CPLANE1: variants seen among roughly 807,000 people sequenced by gnomAD.
CPLANE1 encodes ciliogenesis and planar polarity effector complex subunit 1.
A neutral mutation model predicts 362.5 loss-of-function variants in CPLANE1; 263 were observed. The ratio of observed to expected loss-of-function variants is 0.73; its 90% confidence interval spans 0.66 to 0.80. The LOEUF (loss-of-function observed/expected upper bound fraction) is 0.80. Among genes scored for constraint, CPLANE1 ranks in the 30% least tolerant of loss-of-function variants. The pLI, the probability that CPLANE1 is intolerant of heterozygous loss-of-function variation, is 0.00. For missense variants in CPLANE1, 3,461 were observed against 3,793.4 expected (o/e 0.91, Z 2.30); for synonymous variants, 1,212 against 1,302.6 (o/e 0.93, Z 1.50).
intron 20 of CPLANE1, among the ~76,000 whole-genome samples, 182 bp from the exon 21 acceptor site, chr5:37,196,178 CA>C (rs11433764): frequency 6.1e-5 from 9 of 146,666 alleles, no homozygotes; most frequent in African/African-American, 9.9e-5. Context: ...CTTGTTATCT[CA>C]AAAAAAAAAA....
intron 9 of CPLANE1, among the ~76,000 whole-genome samples, chr5:37,229,282 G>A (rs948268059): frequency 4.6e-5 from 7 of 151,490 alleles, no homozygotes; most frequent in Non-Finnish European, 7.4e-5. Context: ...GGCCGGGCGC[G>A]GTGGCTCAAG....
the CPLANE1 span, chr5:37,085,772 C>A: frequency 1.4e-5 from 20 of 1,442,812 alleles, no homozygotes; most frequent in Non-Finnish European, 1.8e-5. Flanking sequence ...ATGGATTTCT[C>A]TTCCCCGAGG....
intron 52 of CPLANE1, 32 bp from the exon 53 acceptor site, chr5:37,107,810 GC>G (rs1370057132): frequency 6.5e-7 from 1 of 1,527,478 alleles, no homozygotes; most frequent in Admixed American, 2.3e-5. Flanking sequence ...TGTGGTCCTA[GC>G]CCCTAAAAAC....
chr5:37,115,238 G>A (rs563048634), intron 50 of CPLANE1, among the ~76,000 whole-genome samples, 189 bp from the exon 51 acceptor site: 1 of 152,298 alleles, frequency 6.6e-6, no homozygotes, highest in East Asian at 1.9e-4. Flanking sequence ...TGCAGACAAA[G>A]AAAGGGAATA....
intron 46 of CPLANE1, among the ~76,000 whole-genome samples, chr5:37,135,993 C>T (rs1183389166): frequency 6.6e-6 from 1 of 152,310 alleles, no homozygotes; most frequent in Admixed American, 6.5e-5. Flanking sequence ...AGGAAACAAT[C>T]AGACCATATC....
At chr5:37,128,869 A>C (rs1405620544) in intron 46 of CPLANE1, among the ~76,000 whole-genome samples, 2 of 152,180 alleles carry the variant, frequency 1.3e-5, no homozygotes, top group East Asian at 1.9e-4. Flanking sequence ...AAAAAAACAA[A>C]AAAAAAATCA....
chr5:37,244,079 A>T (rs1738653449), intron 5 of CPLANE1, among the ~76,000 whole-genome samples: 1 of 151,846 alleles, frequency 6.6e-6, no homozygotes, highest in South Asian at 2.1e-4. Context: ...TGAACTCTCG[A>T]CCTCAGGTGA....
chr5:37,195,790 C>A, intron 21 of CPLANE1, 68 bp downstream of exon 21: 2 of 1,508,730 alleles, frequency 1.3e-6, no homozygotes, highest in Middle Eastern at 1.8e-4. Context: ...AGAGTCAATA[C>A]TTTCCCAAAT....
chr5:37,140,298 T>TA, intron 44 of CPLANE1: 1 of 972,962 alleles, frequency 1.0e-6, no homozygotes. Flanking sequence ...CCCTAAGACT[T>TA]ACACATTCAC....
the CPLANE1 span, among the ~76,000 whole-genome samples, chr5:37,090,408 A>G: frequency 5.3e-5 from 8 of 152,244 alleles, no homozygotes; most frequent in Non-Finnish European, 1.2e-4. Flanking sequence ...AAACAATGCA[A>G]TCAGTCACTA....
At chr5:37,131,108 C>G (rs1196902361) in intron 46 of CPLANE1, among the ~76,000 whole-genome samples, 3 of 152,138 alleles carry the variant, frequency 2.0e-5, no homozygotes, top group Non-Finnish European at 4.4e-5. Context: ...TGATAACCTT[C>G]CTTTGTTTTT....
chr5:37,223,641 T>C (rs1580866644), intron 14 of CPLANE1, among the ~76,000 whole-genome samples: 1 of 152,228 alleles, frequency 6.6e-6, no homozygotes, highest in African/African-American at 2.4e-5. Context: ...ATAAAAGCTA[T>C]AACTTGTTTC....
chr5:37,185,469 C>CA (rs927627437), intron 24 of CPLANE1, among the ~76,000 whole-genome samples: 4 of 151,526 alleles, frequency 2.6e-5, no homozygotes, highest in African/African-American at 9.7e-5. Flanking sequence ...TAATTCTAGC[C>CA]AAAAAAATCA....
chr5:37,102,247 G>A (rs1486750266), downstream of CPLANE1, among the ~76,000 whole-genome samples: 1 of 152,056 alleles, frequency 6.6e-6, no homozygotes, highest in Non-Finnish European at 1.5e-5. Flanking sequence ...GAGTGTAGTG[G>A]TGCGATCTTG....
chr5:37,190,439 C>T (rs1208740204), intron 21 of CPLANE1, among the ~76,000 whole-genome samples: 2 of 151,250 alleles, frequency 1.3e-5, no homozygotes, highest in Non-Finnish European at 3.0e-5. Context: ...AAAACCAGGC[C>T]TGGTGGTGCA....
intron 43 of CPLANE1, among the ~76,000 whole-genome samples, chr5:37,144,574 G>A (rs778150003): frequency 1.2e-4 from 18 of 148,226 alleles, no homozygotes; most frequent in South Asian, 2.2e-4. Flanking sequence ...ATTTTAGGCC[G>A]GGCACGGTGG....
downstream of CPLANE1, among the ~76,000 whole-genome samples, chr5:37,103,753 C>G (rs1205134753): frequency 6.6e-6 from 1 of 152,116 alleles, no homozygotes; most frequent in South Asian, 2.1e-4. Context: ...GTCTGATGGG[C>G]TTACTTTTTT....
At chr5:37,159,570 CAACA>C (rs550946941) in intron 38 of CPLANE1, among the ~76,000 whole-genome samples, 90 of 152,306 alleles carry the variant, frequency 5.9e-4, no homozygotes, top group African/African-American at 1.5e-3. Flanking sequence ...CACAGCAGAT[CAACA>C]AACAGTTTAA....
At chr5:37,171,902 T>TC (rs1779912603) in intron 32 of CPLANE1, among the ~76,000 whole-genome samples, 1 of 152,010 alleles carries the variant, frequency 6.6e-6, no homozygotes, top group Non-Finnish European at 1.5e-5. Context: ...TCCTCCAACC[T>TC]CAGCCTGCCG....
Sources: allele counts gnomAD v4.1 joint callset (sites outside exome capture counted in the v4.1 genomes callset), GRCh38; gene constraint gnomAD v4.1.1; transcripts MANE v1.5; gene names NCBI Gene and HGNC (gene_info 2026-07-23, HGNC 2026-07-21).